The following RNF17 variants were observed in gnomAD, a reference collection of about 807,000 sequenced individuals.
RNF17 encodes the protein spermatogenesis associated 23.
RNF17 carries 31 observed loss-of-function variants against 200.5 expected under a neutral mutation model. The ratio of observed to expected loss-of-function variants is 0.15; its 90% confidence interval spans 0.12 to 0.21. The LOEUF is 0.21. Ranked by LOEUF, RNF17 falls within the 10% of genes least tolerant of loss-of-function variation. RNF17 has a pLI of 1.00. For synonymous variants in RNF17, 606 were observed against 637.8 expected (o/e 0.95, Z 0.75); for missense variants, 1,628 against 1,905.1 (o/e 0.85, Z 2.71).
intron 22 of RNF17, among the ~76,000 whole-genome samples, chr13:24,847,323 A>T (rs1891362948): frequency 6.7e-6 from 1 of 149,944 alleles, no homozygotes; most frequent in African/African-American, 2.5e-5. Context: ...CTGTTTTGGG[A>T]ACCTGATCTT....
chr13:24,820,485 GAGT>G (rs35138618), intron 15 of RNF17, among the ~76,000 whole-genome samples: 21,627 of 151,822 alleles, frequency 0.14, 2,010 homozygotes, highest in Admixed American at 0.26. Context: ...ACCCAGGTTG[GAGT>G]ACAGTGGTGC....
intron 25 of RNF17, 66 bp from the exon 26 acceptor site, chr13:24,858,935 G>A: frequency 9.8e-7 from 1 of 1,021,736 alleles, no homozygotes; most frequent in South Asian, 1.7e-5. Flanking sequence ...AAGAAATGAA[G>A]TTATTAAATT....
In RNF17 at chr13:24,850,528, G is replaced by A. The variant is rs1006245635; in HGVS notation, c.3204+85G>A. ...TATTTTCTTTCTTGTAGAGAAAATA[G>A]CAGCCAACTATTTGGATTTTGTTAC... On this transcript the variant is annotated intron_variant, in intron 23 of 35. Coordinates refer to ENST00000255324, the MANE Select transcript of RNF17 (RefSeq NM_031277.3). 3.4e-6 allele frequency: 3 copies of A among 881,724 alleles called. No individual in the cohort carries two copies. In the African/African-American group the frequency reaches 5.0e-5, roughly 15 times the overall value. 54.6% of individuals were successfully genotyped at this position (881,724 alleles called of 1,614,324 possible).
At chr13:24,877,447 CAAGAT>C (rs1400972837) in intron 34 of RNF17, among the ~76,000 whole-genome samples, 3 of 151,948 alleles carry the variant, frequency 2.0e-5, no homozygotes, top group Non-Finnish European at 4.4e-5. Flanking sequence ...ATAAAATGCT[CAAGAT>C]GAGTATCCCA....
the RNF17 span, among the ~76,000 whole-genome samples, chr13:24,752,671 T>G: frequency 6.6e-6 from 1 of 152,260 alleles, no homozygotes; most frequent in Non-Finnish European, 1.5e-5. Context: ...TGCCTCATCC[T>G]GCACTGTGGA....
chr13:24,821,735 T>G (rs1381570983), intron 15 of RNF17, among the ~76,000 whole-genome samples: 1 of 152,228 alleles, frequency 6.6e-6, no homozygotes, highest in Non-Finnish European at 1.5e-5. Flanking sequence ...TCATACATCA[T>G]TTTCCGAATT....
intron 32 of RNF17, among the ~76,000 whole-genome samples, chr13:24,873,325 A>G (rs1261142101): frequency 6.6e-6 from 1 of 152,242 alleles, no homozygotes; most frequent in Admixed American, 6.5e-5. Flanking sequence ...GGCTTATAAA[A>G]TATGAACAGA....
chr13:24,782,103 T>C (rs1882461038), intron 6 of RNF17, among the ~76,000 whole-genome samples, 159 bp downstream of exon 6: 1 of 152,198 alleles, frequency 6.6e-6, no homozygotes. Flanking sequence ...TACAGACTGA[T>C]CTTTAGAACT....
At chr13:24,860,615 G>T (rs922202220) in intron 26 of RNF17, among the ~76,000 whole-genome samples, 1 of 152,044 alleles carries the variant, frequency 6.6e-6, no homozygotes, top group African/African-American at 2.4e-5. Flanking sequence ...TGTTGGGACA[G>T]AAGAAATAAT....
intron 2 of RNF17, among the ~76,000 whole-genome samples, chr13:24,769,470 C>G (rs1880344180): frequency 6.6e-6 from 1 of 152,198 alleles, no homozygotes; most frequent in Non-Finnish European, 1.5e-5. Flanking sequence ...TATTCACATT[C>G]TTCAGACGCA....
rs1228351073 is a variant in RNF17 at position 24,796,211 on chromosome 13, A to G, written c.1315A>G (p.Lys439Glu). The change falls in exon 11 of 36, where the codon AAA (lysine) becomes GAA (glutamate). Residue 439 changes from lysine (K) to glutamate (E), a missense_variant. Physicochemically the swap from Lys to Glu is moderately conservative, Grantham distance 56. Transcript: ENST00000255324. ...CTACATTCGGAAGTATTCACAAATA[A>G]AAGACGCCAAAGTACTGGAGAAGAA... The part of the protein sequence containing the change: ...HFYIRKYSQI[K>E]DAKVLEKKVN... The G allele has an allele frequency of 1.2e-6, 2 of 1,612,488 alleles. No homozygotes were observed. Among genetic ancestry groups the G allele is most frequent in the African/African-American group, 2.7e-5 (2 of 74,900 alleles).
At chr13:24,816,054 C>A (rs1444275613) in intron 15 of RNF17, among the ~76,000 whole-genome samples, 2 of 152,058 alleles carry the variant, frequency 1.3e-5, no homozygotes, top group African/African-American at 4.8e-5. Flanking sequence ...ACCACCACAC[C>A]AGGCTAATTT....
At chr13:24,771,323 CTTTTT>C (rs35220494) in intron 2 of RNF17, among the ~76,000 whole-genome samples, 13 of 78,016 alleles carry the variant, frequency 1.7e-4, no homozygotes, top group Admixed American at 4.2e-4. Context: ...CACAGATAAT[CTTTTT>C]TTTTTTTTTT....
chr13:24,763,506 C>T (rs541783645), upstream of RNF17, among the ~76,000 whole-genome samples: 6 of 152,028 alleles, frequency 3.9e-5, no homozygotes, highest in African/African-American at 1.2e-4. Flanking sequence ...CGTGAGCCAC[C>T]GCGCCGGGCC....
At chr13:24,776,728 C>A (rs1402028432) in intron 3 of RNF17, among the ~76,000 whole-genome samples, 1 of 152,132 alleles carries the variant, frequency 6.6e-6, no homozygotes, top group African/African-American at 2.4e-5. Flanking sequence ...GTGAGGTTTG[C>A]GGTAGATGAC....
At chr13:24,858,123 A>G (rs1212698290) in intron 25 of RNF17, among the ~76,000 whole-genome samples, 1 of 152,178 alleles carries the variant, frequency 6.6e-6, no homozygotes, top group African/African-American at 2.4e-5. Context: ...GCTCCTAATT[A>G]GTACCTATGG....
intron 17 of RNF17, among the ~76,000 whole-genome samples, chr13:24,831,021 G>A (rs1391595370): frequency 6.6e-6 from 1 of 152,186 alleles, no homozygotes; most frequent in Non-Finnish European, 1.5e-5. Context: ...CTGGGGAGGA[G>A]TAGTATTCTG....
At chr13:24,755,920 A>G in the RNF17 span, among the ~76,000 whole-genome samples, 1 of 152,202 alleles carries the variant, frequency 6.6e-6, no homozygotes, top group African/African-American at 2.4e-5. Flanking sequence ...AGGTAAAGTC[A>G]TTCCTAGTTA....
At chr13:24,783,215 ATTATT>A (rs1361621869) in intron 6 of RNF17, among the ~76,000 whole-genome samples, 2 of 152,076 alleles carry the variant, frequency 1.3e-5, no homozygotes, top group Non-Finnish European at 2.9e-5. Flanking sequence ...TATGTGAAGG[ATTATT>A]TCTGGGATTT....
Sources: gnomAD v4.1 joint callset for allele counts (sites outside exome capture counted in the v4.1 genomes callset) on GRCh38, gnomAD v4.1.1 for gene constraint, MANE v1.5 for transcripts, NCBI Gene and HGNC (gene_info 2026-07-23, HGNC 2026-07-21) for gene names.